TSHR: variants seen among roughly 807,000 people sequenced by gnomAD.
The protein encoded by TSHR is thyrotropin receptor.
Under a neutral mutation model 64.1 loss-of-function variants are expected in TSHR, and 51 were observed. That is an observed-to-expected ratio of 0.80 (90% CI 0.64 to 1.01). The LOEUF (loss-of-function observed/expected upper bound fraction) is 1.01. Among genes scored for constraint, TSHR ranks in the 50% least tolerant of loss-of-function variants. TSHR has a pLI of 0.00. For missense variants in TSHR, 877 were observed against 942.8 expected, an observed-to-expected ratio of 0.93 and a Z score of 0.91; for synonymous variants, 361 against 361.9, an observed-to-expected ratio of 1.00 and a Z score of 0.03.
intron 8 of TSHR, among the ~76,000 whole-genome samples, chr14:81,123,385 C>A (rs1182061172): frequency 6.6e-6 from 1 of 152,164 alleles, no homozygotes; most frequent in African/African-American, 2.4e-5. Context: ...TTTTTTCCCA[C>A]ATAGCTTCTT....
chr14:81,121,176 CA>C (rs79487366), intron 8 of TSHR, among the ~76,000 whole-genome samples: 12 of 147,350 alleles, frequency 8.1e-5, no homozygotes, highest in Non-Finnish European at 9.0e-5. Flanking sequence ...ACCCATATGG[CA>C]AAAAAAAAGG....
At chr14:81,031,474 T>C (rs1884344783) in intron 1 of TSHR, among the ~76,000 whole-genome samples, 1 of 152,202 alleles carries the variant, frequency 6.6e-6, no homozygotes, top group African/African-American at 2.4e-5. Flanking sequence ...AACATGAGGC[T>C]TTAACTTGAA....
intron 9 of TSHR, among the ~76,000 whole-genome samples, chr14:81,140,631 T>G (rs1891644200): frequency 6.6e-6 from 1 of 152,220 alleles, no homozygotes; most frequent in Non-Finnish European, 1.5e-5. Context: ...CTTTTACTTT[T>G]TTGCTTTTAC....
At chr14:81,127,414 A>G (rs943575192) in intron 8 of TSHR, among the ~76,000 whole-genome samples, 3 of 152,176 alleles carry the variant, frequency 2.0e-5, no homozygotes, top group African/African-American at 7.2e-5. Flanking sequence ...TTTTGCCAGT[A>G]TGATGATGAT....
chr14:80,991,141 G>T (rs1888705984), intron 1 of TSHR, among the ~76,000 whole-genome samples: 1 of 152,072 alleles, frequency 6.6e-6, no homozygotes, highest in South Asian at 2.1e-4. Context: ...TACATTAAAA[G>T]AACTATAAAC....
chr14:81,024,074 C>A (rs564856645), intron 1 of TSHR, among the ~76,000 whole-genome samples: 2 of 152,314 alleles, frequency 1.3e-5, no homozygotes, highest in South Asian at 4.1e-4. Context: ...AAACCTGATT[C>A]TCCTGTTATC....
intron 1 of TSHR, among the ~76,000 whole-genome samples, chr14:81,017,170 A>G (rs1169264900): frequency 6.6e-6 from 1 of 152,226 alleles, no homozygotes; most frequent in African/African-American, 2.4e-5. Context: ...CGTTCCAATA[A>G]TGGAACACTA....
chr14:81,096,921 C>T (rs1304383910), intron 7 of TSHR, among the ~76,000 whole-genome samples: 3 of 86,400 alleles, frequency 3.5e-5, no homozygotes, highest in African/African-American at 1.7e-4. Context: ...GCTTTTCTCC[C>T]TGGTGTGTGT....
At chr14:81,088,832 A>G (rs1162789762) in intron 4 of TSHR, among the ~76,000 whole-genome samples, 1 of 152,212 alleles carries the variant, frequency 6.6e-6, no homozygotes, top group Non-Finnish European at 1.5e-5. Flanking sequence ...TTATGTTATC[A>G]TAGATATTTT....
intron 8 of TSHR, among the ~76,000 whole-genome samples, chr14:81,124,879 T>G (rs1487438082): frequency 6.6e-6 from 1 of 152,164 alleles, no homozygotes; most frequent in Non-Finnish European, 1.5e-5. Flanking sequence ...TGGATTTTTG[T>G]TTTTTTATTA....
chr14:80,961,985 C>G (rs1400658381), intron 1 of TSHR, among the ~76,000 whole-genome samples: 1 of 151,942 alleles, frequency 6.6e-6, no homozygotes, highest in African/African-American at 2.4e-5. Context: ...TTATAAGTAC[C>G]AGGAATCCTA....
At position 81,069,534 on chromosome 14, in the gene TSHR, C is replaced by T. The variant is rs571917512; in HGVS notation, c.317+1206C>T. Among the ~76,000 whole-genome samples the T allele has an allele frequency of 5.3e-5, 8 of 152,252 alleles. No individual in the cohort carries two copies. The East Asian group carries it at 1.5e-3, about 29-fold the overall frequency. On this transcript the variant is annotated intron_variant, in intron 3 of 9. Transcript: ENST00000298171. Reference sequence around the variant, plus strand: ...CCCAAAAACATCATTTGGTTATTTTCCCTTGAGGTATTTCCTGAATTGTAA... The same window carrying T: ...CCCAAAAACATCATTTGGTTATTTTTCCTTGAGGTATTTCCTGAATTGTAA...
chr14:81,089,321 A>G (rs112494267), intron 4 of TSHR, among the ~76,000 whole-genome samples: 2 of 152,274 alleles, frequency 1.3e-5, no homozygotes, highest in East Asian at 3.9e-4. Context: ...GGTGTGAGAG[A>G]TGCCAGGGGA....
intron 7 of TSHR, among the ~76,000 whole-genome samples, chr14:81,106,828 C>A (rs1018573147): frequency 3.3e-5 from 5 of 151,624 alleles, no homozygotes. Context: ...GCCTGTAGTC[C>A]CAGTTACTCA....
intron 3 of TSHR, 32 bp from the exon 4 acceptor site, chr14:81,087,922 T>C: frequency 6.8e-7 from 1 of 1,463,134 alleles, no homozygotes; most frequent in Non-Finnish European, 9.6e-7. Flanking sequence ...ACGGATGCAT[T>C]ATAGTGACTG....
At chr14:81,082,324 G>A (rs1190436390) in intron 3 of TSHR, among the ~76,000 whole-genome samples, 1 of 152,230 alleles carries the variant, frequency 6.6e-6, no homozygotes, top group Non-Finnish European at 1.5e-5. Context: ...GCTCTTTAGA[G>A]CAAAACCTAG....
chr14:80,955,719 CGACCTGCCCAGG>C lies in TSHR; in HGVS notation c.46_57del (p.Pro16_Leu19del). 6.2e-7 allele frequency: 1 copy of C among 1,614,128 alleles called. No individual in the cohort carries two copies. The highest frequency in any genetic ancestry group is 2.2e-5 in the East Asian group (1 of 44,868). ...ACTTGCTGCAGCTGGTGCTGCTGCT[CGACCTGCCCAGG>C]GACCTGGGCGGAATGGGGTGTTCGT... On this transcript the variant is annotated inframe_deletion, in exon 1 of 10. Transcript: ENST00000298171.
At chr14:80,968,200 C>T (rs1887415140) in intron 1 of TSHR, among the ~76,000 whole-genome samples, 1 of 152,104 alleles carries the variant, frequency 6.6e-6, no homozygotes, top group South Asian at 2.1e-4. Context: ...TCATACAGAA[C>T]TGGTAGCTGC....
rs567921018 is a variant in TSHR, at chr14:81,130,945, T to C, written c.693-8734T>C. ...AGCGGAGCTTGCAGTGAGCCGAGAT[T>C]GCGCCACTGCAGTCCGCAGTCCGGC... On this transcript the variant is annotated intron_variant, in intron 8 of 9. Coordinates refer to ENST00000298171, the MANE Select transcript of TSHR (RefSeq NM_000369.5). 8.2e-5 allele frequency among the ~76,000 whole-genome samples: 7 copies of C among 85,364 alleles called. 1 individual carries two copies. Among genetic ancestry groups the C allele is most frequent in the South Asian group, 9.8e-4 (2 of 2,042 alleles). 56.0% of individuals were successfully genotyped at this position (85,364 alleles called of 152,430 possible).
Sources: allele counts gnomAD v4.1 joint callset (sites outside exome capture counted in the v4.1 genomes callset), GRCh38; gene constraint gnomAD v4.1.1; transcripts MANE v1.5; gene names NCBI Gene and HGNC (gene_info 2026-07-23, HGNC 2026-07-21).